Variants in DOP1B observed in about 807,000 individuals in gnomAD.
DOP1B encodes DOP1 leucine zipper like protein B, also known as protein DOP1B.
A neutral mutation model predicts 233.5 loss-of-function variants in DOP1B; 174 were observed. The ratio of observed to expected loss-of-function variants is 0.75; its 90% CI spans 0.66 to 0.85. The LOEUF (loss-of-function observed/expected upper bound fraction) is 0.85. Among genes scored for constraint, DOP1B ranks in the 40% least tolerant of loss-of-function variants. DOP1B has a pLI of 0.00. For synonymous variants in DOP1B, 1,190 were observed against 1,185.6 expected (o/e 1.00, Z -0.08); for missense variants, 2,652 against 2,846.6 (o/e 0.93, Z 1.56).
intron 17 of DOP1B, 47 bp downstream of exon 17, chr21:36,238,748 C>T (rs754703431): frequency 3.2e-6 from 5 of 1,586,330 alleles, no homozygotes; most frequent in Non-Finnish European, 4.3e-6. Context: ...CGAGGAAACT[C>T]CACAGAGGTG....
intron 35 of DOP1B, 99 bp downstream of exon 35, chr21:36,289,305 C>T: frequency 1.6e-6 from 2 of 1,276,184 alleles, no homozygotes; most frequent in Non-Finnish European, 2.2e-6. Context: ...TTATGGGAAA[C>T]CACCATCTGG....
At chr21:36,279,782 A>G (rs1262232890) in intron 30 of DOP1B, among the ~76,000 whole-genome samples, 1 of 144,434 alleles carries the variant, frequency 6.9e-6, no homozygotes, top group Non-Finnish European at 1.5e-5. Context: ...TTCATTCCCT[A>G]TGTTAGGGTT....
intron 2 of DOP1B, chr21:36,169,403 T>G: frequency 2.2e-6 from 2 of 893,420 alleles, no homozygotes; most frequent in South Asian, 2.6e-5. Context: ...GGCCACATGG[T>G]CAGGATGCCA....
chr21:36,288,119 C>T lies in DOP1B; in HGVS notation c.6266C>T (p.Thr2089Ile). 6.2e-7 allele frequency: 1 copy of T among 1,613,972 alleles called. No individual in the cohort carries two copies. The highest frequency in any genetic ancestry group is 1.3e-5 in the African/African-American group (1 of 75,024). The part of the protein sequence containing the change: ...LLLRISPQHL[T>I]SLWPIMVSEL... The stretch of plus-strand genomic sequence containing the variant: ...CTAAGAATATCTCCTCAACATTTGA[C>T]TTCATTGTGGCCAATAATGGTCTCT... Residue 2089 changes from threonine (T) to isoleucine (I), a missense_variant, in exon 33 of 37, where the codon ACT (threonine) becomes ATT (isoleucine). Thr to Ile is a moderately conservative substitution (Grantham distance 89). This residue lies in a region of DOP1B where 2,617 missense variants were observed against 2,794.3 expected (regional missense o/e 0.94). Transcript: ENST00000691173.
intron 2 of DOP1B, among the ~76,000 whole-genome samples, chr21:36,195,781 T>G (rs558532963): frequency 3.8e-4 from 58 of 152,358 alleles, no homozygotes; most frequent in Non-Finnish European, 4.1e-4. Flanking sequence ...GGGAAAGTTA[T>G]GCACAGTAAC....
At chr21:36,163,698 T>C (rs935649478) in intron 1 of DOP1B, among the ~76,000 whole-genome samples, 93 of 152,328 alleles carry the variant, frequency 6.1e-4, no homozygotes, top group East Asian at 1.9e-4. Flanking sequence ...AGGATTGTGG[T>C]TGGCTATAAC....
chr21:36,166,680 G>A (rs751163766), intron 2 of DOP1B, among the ~76,000 whole-genome samples: 4 of 152,142 alleles, frequency 2.6e-5, no homozygotes, highest in African/African-American at 4.8e-5. Flanking sequence ...CCTGAGTTTG[G>A]AGCCCAAGTG....
At chr21:36,185,390 C>T (rs1421360429) in intron 2 of DOP1B, among the ~76,000 whole-genome samples, 1 of 152,180 alleles carries the variant, frequency 6.6e-6, no homozygotes, top group African/African-American at 2.4e-5. Context: ...TTTTTCATCA[C>T]TTCTGAGACT....
intron 24 of DOP1B, 121 bp from the exon 25 acceptor site, chr21:36,263,425 G>T (rs2067196087): frequency 1.3e-6 from 1 of 769,760 alleles, no homozygotes; most frequent in Admixed American, 2.8e-5. Flanking sequence ...AAAGAAAAAG[G>T]TCAGTGAGGT....
intron 32 of DOP1B, among the ~76,000 whole-genome samples, chr21:36,286,912 G>A (rs1412459871): frequency 3.3e-5 from 5 of 151,706 alleles, no homozygotes; most frequent in Admixed American, 6.6e-5. Context: ...TGTAGTGAGC[G>A]GAGACTGCTC....
At position 36,253,804 on chromosome 21, in the gene DOP1B, C is replaced by CCTTGT. The variant is rs2067060594; in HGVS notation, c.5156_5160dup (p.Asp1721LeufsTer20). On this transcript the variant is annotated frameshift_variant, in exon 23 of 37. Transcript: ENST00000691173. LOFTEE classifies it high-confidence loss of function. ...CAACGGCAAGTGCATCCCAGCTAAC[C>CCTTGT]CTTGTCGACTTGGTGTGTGCACTCA... The CCTTGT allele has an allele frequency of 6.2e-7, 1 of 1,613,766 alleles. No homozygotes were observed. The highest frequency in any genetic ancestry group is 2.2e-5 in the East Asian group (1 of 44,864).
In DOP1B at chr21:36,238,720, T is replaced by C. The variant is rs371443302; in HGVS notation, c.2876+19T>C. 1 of 1,612,438 alleles carries C rather than the reference T, an allele frequency of 6.2e-7. No individual in the cohort carries two copies. The highest frequency in any genetic ancestry group is 1.1e-5 in the South Asian group (1 of 91,062). On this transcript the variant is annotated intron_variant, in intron 17 of 36. Transcript: ENST00000691173. ...TTGATAGGTGAGGCGGCCTTCGTTATGATCTACCGTTAACTCACGAGGAAA... is the reference window on the plus strand; with the variant it reads ...TTGATAGGTGAGGCGGCCTTCGTTACGATCTACCGTTAACTCACGAGGAAA...
chr21:36,239,694 C>T (rs1375276696), intron 17 of DOP1B, 71 bp from the exon 18 acceptor site: 17 of 1,459,978 alleles, frequency 1.2e-5, no homozygotes, highest in Non-Finnish European at 1.5e-5. Context: ...GCCCTATGCC[C>T]AGTGTCTGCC....
chr21:36,224,156 A>G (rs1379854242), intron 11 of DOP1B, among the ~76,000 whole-genome samples: 1 of 151,744 alleles, frequency 6.6e-6, no homozygotes, highest in Non-Finnish European at 1.5e-5. Context: ...TTGTTATGTT[A>G]TTTTTTATTT....
rs1309281827 is a variant in DOP1B at position 36,248,419 on chromosome 21, A to G, written c.4849A>G (p.Arg1617Gly). 1.2e-6 allele frequency: 2 copies of G among 1,613,998 alleles called. No individual in the cohort carries two copies. Among genetic ancestry groups the G allele is most frequent in the Admixed American group, 1.7e-5 (1 of 59,986 alleles). Residue 1617 changes from arginine (R) to glycine (G), a missense_variant, in exon 21 of 37, where the codon AGA (arginine) becomes GGA (glycine). By Grantham distance (125) the Arg-to-Gly change is moderately radical. This residue lies in a region of DOP1B where 2,617 missense variants were observed against 2,794.3 expected (regional missense o/e 0.94). Coordinates refer to ENST00000691173, the MANE Select transcript of DOP1B (RefSeq NM_001320714.2). Reference protein sequence around the residue: ...AGDPANLRNARNAILEELPRT... With the variant: ...AGDPANLRNAGNAILEELPRT... ...TGATCCTGCCAACTTGAGGAATGCC[A>G]GAAATGCCATTTTGGAAGAGCTGCC...
At chr21:36,264,465 CTT>C (rs766718183) in intron 26 of DOP1B, among the ~76,000 whole-genome samples, 53 of 140,108 alleles carry the variant, frequency 3.8e-4, no homozygotes, top group Non-Finnish European at 3.1e-4. Context: ...TTCTTTTTTT[CTT>C]TTTTTTTTTT....
At chr21:36,252,221 A>C (rs2067039549) in intron 22 of DOP1B, among the ~76,000 whole-genome samples, 2 of 152,072 alleles carry the variant, frequency 1.3e-5, no homozygotes, top group Admixed American at 1.3e-4. Flanking sequence ...ATTTGGCTTA[A>C]GAAATGGTCA....
At position 36,247,632 on chromosome 21, in the gene DOP1B, A is replaced by ATT. The variant is rs1263508520; in HGVS notation, c.4809+4_4809+5insTT. The ATT allele has an allele frequency of 1.3e-6, 2 of 1,517,238 alleles. No homozygotes were observed. The highest frequency in any genetic ancestry group is 1.7e-6 in the Non-Finnish European group (2 of 1,149,794). 94.0% of individuals were successfully genotyped at this position (1,517,238 alleles called of 1,614,324 possible). On this transcript the variant is annotated splice_donor_region_variant and intron_variant, in intron 20 of 36. Coordinates refer to ENST00000691173, the MANE Select transcript of DOP1B (RefSeq NM_001320714.2). ...ACAAGCCAACCAAAACAAAAAGGTA[A>ATT]ATTTTTTTTTTTCCTGAGTTCAAGG...
At chr21:36,266,267 C>T (rs1202069473) in intron 26 of DOP1B, among the ~76,000 whole-genome samples, 11 of 152,212 alleles carry the variant, frequency 7.2e-5, no homozygotes, top group Admixed American at 6.5e-4. Flanking sequence ...ACCTCCGCCT[C>T]CCAGGTTCAA....
Sources: allele counts gnomAD v4.1 joint callset (sites outside exome capture counted in the v4.1 genomes callset), GRCh38; gene constraint gnomAD v4.1.1; regional missense constraint gnomAD v4.1.1; transcripts MANE v1.5; gene names NCBI Gene and HGNC (gene_info 2026-07-23, HGNC 2026-07-21).